RYR3: variants seen among roughly 807,000 people sequenced by gnomAD.
RYR3 encodes the protein brain ryanodine receptor-calcium release channel.
RYR3 carries 207 observed loss-of-function variants against 584.3 expected under a neutral mutation model. The ratio of observed to expected loss-of-function variants is 0.35; its 90% confidence interval spans 0.32 to 0.40. The LOEUF (loss-of-function observed/expected upper bound fraction) is 0.40, where lower values mean the gene tolerates loss of function less well. RYR3 is among the 10% of genes least tolerant of loss of function. The probability of loss-of-function intolerance (pLI) is 1.00; values close to 1 mark genes in which losing one functional copy is unlikely to be tolerated. For synonymous variants in RYR3, 2,416 were observed against 2,248.5 expected (o/e 1.07, Z -2.11); for missense variants, 5,616 against 6,089.2 (o/e 0.92, Z 2.59).
intron 60 of RYR3, 101 bp downstream of exon 60, chr15:33,757,697 CT>C (rs1194593634): frequency 7.7e-7 from 1 of 1,304,468 alleles, no homozygotes; most frequent in Non-Finnish European, 1.1e-6. Context: ...AGAAATGAAA[CT>C]GGATGATGTT....
chr15:33,592,852 G>A (rs1219384590), intron 16 of RYR3, among the ~76,000 whole-genome samples: 2 of 152,320 alleles, frequency 1.3e-5, no homozygotes, highest in Non-Finnish European at 2.9e-5. Flanking sequence ...GGTTGAGGAC[G>A]TGCCCGTGAC....
intron 1 of RYR3, among the ~76,000 whole-genome samples, chr15:33,445,756 T>A (rs1256206708): frequency 6.9e-6 from 1 of 145,308 alleles, no homozygotes; most frequent in Non-Finnish European, 1.5e-5. Context: ...AAAGGAAGAA[T>A]TCAATGGTTT....
At chr15:33,673,528 T>C (rs1183733909) in intron 38 of RYR3, among the ~76,000 whole-genome samples, 1 of 152,124 alleles carries the variant, frequency 6.6e-6, no homozygotes, top group Non-Finnish European at 1.5e-5. Flanking sequence ...ACTAAGTCAC[T>C]TTTTTTTCGT....
At chr15:33,388,451 T>C (rs765391467) in intron 1 of RYR3, among the ~76,000 whole-genome samples, 1 of 152,172 alleles carries the variant, frequency 6.6e-6, no homozygotes, top group Non-Finnish European at 1.5e-5. Context: ...GGAGAAATGA[T>C]TGCTTTGGGA....
intron 1 of RYR3, among the ~76,000 whole-genome samples, chr15:33,418,655 G>A (rs1437211047): frequency 6.6e-6 from 1 of 152,108 alleles, no homozygotes; most frequent in Non-Finnish European, 1.5e-5. Context: ...TCAAATTTGT[G>A]TTTTAAGACA....
At chr15:33,478,110 G>C (rs1174817151) in intron 2 of RYR3, among the ~76,000 whole-genome samples, 7 of 104,970 alleles carry the variant, frequency 6.7e-5, no homozygotes, top group African/African-American at 5.8e-4. Context: ...GAGGGGGTTG[G>C]GGGGGGTGGT....
intron 2 of RYR3, among the ~76,000 whole-genome samples, chr15:33,479,708 TAA>T (rs1325803267): frequency 6.6e-6 from 1 of 152,122 alleles, no homozygotes; most frequent in African/African-American, 2.4e-5. Context: ...TATTCAGAAA[TAA>T]AGAGTATCGT....
rs745552650 is a variant in RYR3 at position 33,780,244 on chromosome 15, G to A, written c.9171G>A (p.Ser3057=). 2.4e-5 allele frequency: 39 copies of A among 1,613,590 alleles called. No homozygotes were observed. Among genetic ancestry groups the A allele is most frequent in the Admixed American group, 3.3e-5 (2 of 59,984 alleles). The change falls in exon 65 of 104, where the codon TCG becomes TCA. Residue 3057 remains serine (S), a synonymous_variant. Transcript: ENST00000634891. ...QRPALGECLA[S]LAAAIPVAFL... ...CTGCCCTTGGAGAATGTCTGGCCTC[G>A]CTGGCAGCTGCCATACCAGTGGCAT...
intron 3 of RYR3, among the ~76,000 whole-genome samples, chr15:33,505,641 G>A (rs576501326): frequency 1.3e-5 from 2 of 152,200 alleles, no homozygotes; most frequent in Non-Finnish European, 2.9e-5. Context: ...ACAGGCGCCC[G>A]CCACCATGCC....
intron 2 of RYR3, among the ~76,000 whole-genome samples, chr15:33,488,394 AT>A (rs937465643): frequency 7.4e-6 from 1 of 135,920 alleles, no homozygotes; most frequent in Non-Finnish European, 1.6e-5. Context: ...GATTAGCAGT[AT>A]TTTTTTTCTT....
chr15:33,739,508 ATAGTCACCTTCT>A (rs2069852887), intron 50 of RYR3, among the ~76,000 whole-genome samples: 2 of 145,018 alleles, frequency 1.4e-5, no homozygotes, highest in Non-Finnish European at 3.0e-5. Context: ...AGACAAGTTT[ATAGTCACCTTCT>A]GGCCTAGCGC....
At position 33,662,493 on chromosome 15, in the gene RYR3, G is replaced by A. The variant is rs772319254; in HGVS notation, c.4963G>A (p.Val1655Met). 11 of 1,614,040 alleles carry A rather than the reference G, an allele frequency of 6.8e-6. No homozygotes were observed. Among genetic ancestry groups the A allele is most frequent in the Non-Finnish European group, 9.3e-6 (11 of 1,179,900 alleles). Residue 1655 changes from valine (V) to methionine (M), a missense_variant, in exon 35 of 104, where the codon GTG becomes ATG. Transcript: ENST00000634891. Reference protein sequence around the residue: ...DESKRHGLPGVGLRTCLKPGF... With the variant: ...DESKRHGLPGMGLRTCLKPGF... ...GTCCAAGAGGCATGGACTGCCTGGG[G>A]TGGGCCTGAGAACATGTCTCAAGCC...
chr15:33,815,370 G>C (rs1177971874), intron 74 of RYR3: 1 of 152,594 alleles, frequency 6.6e-6, no homozygotes, highest in Non-Finnish European at 1.5e-5. Context: ...ATTTCTACCT[G>C]ACATTGTGCT....
At chr15:33,605,112 C>T (rs1401945602) in intron 18 of RYR3, among the ~76,000 whole-genome samples, 2 of 152,244 alleles carry the variant, frequency 1.3e-5, no homozygotes, top group Admixed American at 6.5e-5. Context: ...ACCCTTGTTT[C>T]GAAGAGAAAC....
intron 16 of RYR3, among the ~76,000 whole-genome samples, chr15:33,595,938 C>T (rs2059349338): frequency 6.6e-6 from 1 of 151,896 alleles, no homozygotes; most frequent in Non-Finnish European, 1.5e-5. Flanking sequence ...ACACTGACTG[C>T]TCATGACAGG....
In RYR3 at chr15:33,623,973, C is replaced by T; in HGVS notation, c.2524C>T (p.Gln842Ter). The change falls in exon 20 of 104, where the codon CAG becomes TAG. Residue 842 changes from glutamine to a stop codon, truncating the protein, a stop_gained. Coordinates refer to ENST00000634891, the MANE Select transcript of RYR3 (RefSeq NM_001036.6). LOFTEE classifies it high-confidence loss of function. ...DGIRDLLGTT[Q>*]FLSQASFIPC... is the part of the protein sequence containing the mutation. ...CATTAGAGATCTCTTGGGTACCACCCAGTTCCTCTCCCAAGCCTCTTTCAT... is the reference window on the plus strand; with the variant it reads ...CATTAGAGATCTCTTGGGTACCACCTAGTTCCTCTCCCAAGCCTCTTTCAT... 2 of 1,613,990 alleles carry T rather than the reference C, an allele frequency of 1.2e-6. No homozygotes were observed.
chr15:33,322,318 G>A (rs558330571), intron 1 of RYR3, among the ~76,000 whole-genome samples: 1 of 152,308 alleles, frequency 6.6e-6, no homozygotes, highest in Admixed American at 6.5e-5. Flanking sequence ...GAAAAGCAAA[G>A]CAAGAGCGAG....
intron 71 of RYR3, 61 bp downstream of exon 71, chr15:33,810,710 A>C: frequency 6.2e-7 from 1 of 1,601,086 alleles, no homozygotes; most frequent in Non-Finnish European, 8.5e-7. Flanking sequence ...ATAAGCATTC[A>C]GCCCCTGAAG....
intron 1 of RYR3, among the ~76,000 whole-genome samples, chr15:33,432,338 A>G (rs2045237060): frequency 6.6e-6 from 1 of 152,130 alleles, no homozygotes; most frequent in Non-Finnish European, 1.5e-5. Flanking sequence ...ACTGAACTAC[A>G]TAAATGTAGT....
Sources: gnomAD v4.1 joint callset for allele counts (sites outside exome capture counted in the v4.1 genomes callset) on GRCh38, gnomAD v4.1.1 for gene constraint, MANE v1.5 for transcripts, NCBI Gene and HGNC (gene_info 2026-07-23, HGNC 2026-07-21) for gene names.